Variants in MLKL observed in about 807,000 individuals in gnomAD.
The protein encoded by MLKL is mixed lineage kinase domain-like protein.
MLKL carries 55 observed loss-of-function variants against 56.5 expected under a neutral mutation model. The ratio of observed to expected loss-of-function variants is 0.97; its 90% CI spans 0.78 to 1.22. MLKL has a LOEUF of 1.22. Ranked by LOEUF, MLKL falls within the 50% of genes most tolerant of loss-of-function variation. The pLI is 0.00. For synonymous variants in MLKL, 251 were observed against 208.3 expected (o/e 1.20, Z -1.76); for missense variants, 694 against 573.9 (o/e 1.21, Z -2.14).
chr16:74,676,421 C>G, intron 7 of MLKL: 1 of 985,436 alleles, frequency 1.0e-6, no homozygotes, highest in Non-Finnish European at 1.2e-6. Flanking sequence ...GCCAGGTACC[C>G]AAATCTAGGG....
chr16:74,685,610 G>T (rs1244361354), intron 4 of MLKL, 27 bp from the exon 5 acceptor site: 1 of 1,583,642 alleles, frequency 6.3e-7, no homozygotes, highest in Non-Finnish European at 8.7e-7. Context: ...GAGAAATCAG[G>T]ATTTCAGAAC....
intron 4 of MLKL, among the ~76,000 whole-genome samples, chr16:74,688,688 G>C (rs1164887497): frequency 6.6e-6 from 1 of 152,114 alleles, no homozygotes; most frequent in Non-Finnish European, 1.5e-5. Flanking sequence ...ACTCCAGCCT[G>C]GGTGACAGAG....
rs560300685 is a variant in MLKL, at chr16:74,686,309, G to A, written c.723-726C>T. On this transcript the variant is annotated intron_variant, in intron 4 of 10. Coordinates refer to ENST00000308807, the MANE Select transcript of MLKL (RefSeq NM_152649.4). The stretch of plus-strand genomic sequence containing the variant: ...TAAAAATAATGATACTAGGCCGGGC[G>A]TGGTGGCTCATGCCTGTAATCCCAG... 1.6e-4 allele frequency among the ~76,000 whole-genome samples: 25 copies of A among 152,268 alleles called. No individual in the cohort carries two copies. In the South Asian group the frequency reaches 1.7e-3, roughly 10 times the overall value.
chr16:74,675,707 C>G lies in MLKL; in HGVS notation c.1096G>C (p.Glu366Gln). Residue 366 changes from glutamate to glutamine, a missense_variant, in exon 8 of 11, where the codon GAA (glutamate) becomes CAA (glutamine). Glu to Gln is a conservative substitution (Grantham distance 29). Coordinates refer to ENST00000308807, the MANE Select transcript of MLKL (RefSeq NM_152649.4). Reference sequence around the variant, plus strand: ...GTAGATTTGACTCTGTCTGTCTTTTCTCTCGTAGTTCCCAAACTCATGGAA... The same window carrying G: ...GTAGATTTGACTCTGTCTGTCTTTTGTCTCGTAGTTCCCAAACTCATGGAA... The part of the protein sequence containing the change: ...QTSMSLGTTR[E>Q]KTDRVKSTAY... 1.2e-6 allele frequency: 2 copies of G among 1,614,176 alleles called. No individual in the cohort carries two copies. The highest frequency in any genetic ancestry group is 1.7e-6 in the Non-Finnish European group (2 of 1,180,044).
intron 6 of MLKL, among the ~76,000 whole-genome samples, chr16:74,681,859 A>C (rs1416551042): frequency 6.6e-6 from 1 of 152,154 alleles, no homozygotes; most frequent in African/African-American, 2.4e-5. Flanking sequence ...TCTGATAAGC[A>C]ATGAATATAT....
Position 74,678,999 on chromosome 16 carries a change from G to A in MLKL, c.957-19C>T. On this transcript the variant is annotated intron_variant, in intron 6 of 10. Coordinates refer to ENST00000308807, the MANE Select transcript of MLKL (RefSeq NM_152649.4). ...GTGTAGCCTGACACAGCCAAAGGCG[G>A]GGAGCATAAGTACCTTTGCCCAAAC... The A allele has an allele frequency of 1.9e-6, 3 of 1,609,054 alleles. No homozygotes were observed. In the Admixed American group the frequency reaches 5.0e-5, roughly 27 times the overall value.
intron 3 of MLKL, 115 bp downstream of exon 3, chr16:74,692,227 G>A: frequency 1.1e-6 from 1 of 943,294 alleles, no homozygotes; most frequent in South Asian, 1.5e-5. Context: ...GCTGCTTCCA[G>A]CCATCCAGCA....
At chr16:74,672,583 G>C (rs770693461) in intron 10 of MLKL, 45 bp from the exon 11 acceptor site, 5 of 1,571,882 alleles carry the variant, frequency 3.2e-6, no homozygotes, top group Middle Eastern at 1.7e-4. Flanking sequence ...AGGCAGCTGA[G>C]AGCCAAGTTA....
At chr16:74,685,453 C>T in intron 5 of MLKL, 33 bp downstream of exon 5, 2 of 1,551,394 alleles carry the variant, frequency 1.3e-6, no homozygotes, top group Non-Finnish European at 1.8e-6. Context: ...CTAGGCCATC[C>T]AAAGCTTGAC....
rs1379653862 is a variant in MLKL at position 74,692,403 on chromosome 16, T to C, written c.474A>G (p.Ile158Met). 2 of 1,613,088 alleles carry C rather than the reference T, an allele frequency of 1.2e-6. No individual in the cohort carries two copies. Among genetic ancestry groups the C allele is most frequent in the Non-Finnish European group, 1.7e-6 (2 of 1,179,780 alleles). The change falls in exon 3 of 11, where the codon ATA becomes ATG. Residue 158 changes from isoleucine to methionine, a missense_variant. Coordinates refer to ENST00000308807, the MANE Select transcript of MLKL (RefSeq NM_152649.4). ...FQMLRRDNEKIEASLRRLEIN... is the reference protein window; with the variant it reads ...FQMLRRDNEKMEASLRRLEIN... ...TTTCTAATCGTCTCAGTGAAGCTTC[T>C]ATTTTTTCATTATCTGCAGGAAAAA...
intron 4 of MLKL, among the ~76,000 whole-genome samples, chr16:74,686,456 G>T: frequency 6.6e-6 from 1 of 152,142 alleles, no homozygotes. Context: ...GGTGGCGGGC[G>T]CCTGTAGCCC....
intron 4 of MLKL, among the ~76,000 whole-genome samples, chr16:74,688,392 A>T (rs1221167389): frequency 6.6e-6 from 1 of 152,184 alleles, no homozygotes; most frequent in African/African-American, 2.4e-5. Flanking sequence ...CCTAAATATA[A>T]GAGCCAAAAA....
chr16:74,688,008 G>T (rs1287090733), intron 4 of MLKL, among the ~76,000 whole-genome samples: 1 of 151,972 alleles, frequency 6.6e-6, no homozygotes, highest in Non-Finnish European at 1.5e-5. Context: ...TGTATTTTTA[G>T]TAGAGACGGG....
chr16:74,700,333 G>C (rs1961313245), intron 1 of MLKL, 120 bp downstream of exon 1: 1 of 152,088 alleles, frequency 6.6e-6, no homozygotes, highest in South Asian at 2.1e-4. Flanking sequence ...AAACCAACTC[G>C]GTCCTGAGTT....
chr16:74,698,508 T>G (rs149312791), intron 1 of MLKL, among the ~76,000 whole-genome samples: 1 of 152,336 alleles, frequency 6.6e-6, no homozygotes, highest in African/African-American at 2.4e-5. Context: ...AAAAGACTAG[T>G]GGATCTCAGA....
intron 6 of MLKL, 87 bp from the exon 7 acceptor site, chr16:74,679,067 G>A (rs2144470338): frequency 9.5e-7 from 1 of 1,053,374 alleles, no homozygotes; most frequent in Non-Finnish European, 1.5e-6. Flanking sequence ...TGATGAGGCT[G>A]GACAGTACCA....
intron 7 of MLKL, 91 bp downstream of exon 7, chr16:74,678,808 C>G: frequency 1.1e-6 from 1 of 908,518 alleles, no homozygotes; most frequent in Non-Finnish European, 1.8e-6. Context: ...TAAACTAAGA[C>G]AAGAATCAAG....
At chr16:74,699,687 C>T (rs551790847) in intron 1 of MLKL, among the ~76,000 whole-genome samples, 1 of 152,156 alleles carries the variant, frequency 6.6e-6, no homozygotes, top group Non-Finnish European at 1.5e-5. Flanking sequence ...GTAATCCCAG[C>T]ACTTTGGGAG....
chr16:74,686,893 T>C (rs190115148), intron 4 of MLKL, among the ~76,000 whole-genome samples: 85 of 152,302 alleles, frequency 5.6e-4, no homozygotes, highest in Admixed American at 5.4e-3. Context: ...GAGAATAAAA[T>C]ACTTAGGAAT....
Sources: gnomAD v4.1 joint callset for allele counts (sites outside exome capture counted in the v4.1 genomes callset) on GRCh38, gnomAD v4.1.1 for gene constraint, MANE v1.5 for transcripts, NCBI Gene and HGNC (gene_info 2026-07-23, HGNC 2026-07-21) for gene names.